CCDC158: variants seen among roughly 807,000 people sequenced by gnomAD.
CCDC158 encodes coiled-coil domain-containing protein 158.
Under a neutral mutation model 138.6 loss-of-function variants are expected in CCDC158, and 116 were observed. The observed-to-expected ratio is 0.84, with a 90% CI of 0.72 to 0.98. The LOEUF (loss-of-function observed/expected upper bound fraction) is 0.98, where lower values mean the gene tolerates loss of function less well. CCDC158 is among the 50% of genes least tolerant of loss of function. The pLI, the probability that CCDC158 is intolerant of heterozygous loss-of-function variation, is 0.00. For missense variants in CCDC158, 1,265 were observed against 1,306.1 expected, an observed-to-expected ratio of 0.97 and a Z score of 0.48; for synonymous variants, 436 against 442.4, an observed-to-expected ratio of 0.99 and a Z score of 0.18.
intron 6 of CCDC158, among the ~76,000 whole-genome samples, 155 bp downstream of exon 6, chr4:76,383,933 T>C (rs559370775): frequency 4.6e-4 from 70 of 152,334 alleles, no homozygotes; most frequent in African/African-American, 1.6e-3. Flanking sequence ...ACCAAGCTAG[T>C]TCCTATTATG....
intron 13 of CCDC158, among the ~76,000 whole-genome samples, chr4:76,357,985 A>ATG (rs899745232): frequency 3.7e-5 from 4 of 108,046 alleles, no homozygotes; most frequent in Non-Finnish European, 8.0e-5. Flanking sequence ...CAATACACAC[A>ATG]TGTGTGCACA....
At chr4:76,411,011 G>A (rs538820936) in intron 2 of CCDC158, among the ~76,000 whole-genome samples, 1 of 152,296 alleles carries the variant, frequency 6.6e-6, no homozygotes, top group South Asian at 2.1e-4. Flanking sequence ...GATAACTCAC[G>A]TGCAGGCCTT....
chr4:76,356,831 T>A (rs903973874), intron 14 of CCDC158: 3 of 152,194 alleles, frequency 2.0e-5, no homozygotes, highest in Admixed American at 6.5e-5. Context: ...ATTATATGAA[T>A]AACATGAACT....
chr4:76,407,379 A>G (rs1291059805), intron 2 of CCDC158: 1 of 152,086 alleles, frequency 6.6e-6, no homozygotes, highest in African/African-American at 2.4e-5. Context: ...AATGTTAGTC[A>G]AGATTGCTAG....
At chr4:76,325,378 C>T (rs1720425609) in intron 23 of CCDC158, among the ~76,000 whole-genome samples, 1 of 152,130 alleles carries the variant, frequency 6.6e-6, no homozygotes. Flanking sequence ...ACTTATTTAC[C>T]AGGCATTTAT....
rs1431252504 is a variant in CCDC158, at chr4:76,313,049, A to C, written c.*121T>G. ...TAGTTTATTTCAAAATAGAGTTTACAAGACAGGGTATCTTTTATTAAATTT... is the reference window on the plus strand; with the variant it reads ...TAGTTTATTTCAAAATAGAGTTTACCAGACAGGGTATCTTTTATTAAATTT... On this transcript the variant is annotated 3_prime_UTR_variant, in exon 25 of 25. Coordinates refer to ENST00000682701, the MANE Select transcript of CCDC158 (RefSeq NM_001394954.1). The C allele has an allele frequency of 3.3e-6, 2 of 597,166 alleles. No individual in the cohort carries two copies. Among genetic ancestry groups the C allele is most frequent in the Non-Finnish European group, 5.8e-6 (2 of 341,946 alleles). 37.0% of individuals were successfully genotyped at this position (597,166 alleles called of 1,614,324 possible).
intron 3 of CCDC158, chr4:76,402,025 A>G (rs1345113834): frequency 6.6e-6 from 1 of 152,248 alleles, no homozygotes; most frequent in Non-Finnish European, 1.5e-5. Flanking sequence ...CCAGTAAAAC[A>G]ACAGATCAGT....
At chr4:76,364,459 A>G (rs933086629) in intron 12 of CCDC158, among the ~76,000 whole-genome samples, 3 of 152,226 alleles carry the variant, frequency 2.0e-5, no homozygotes, top group Non-Finnish European at 4.4e-5. Flanking sequence ...TGTGAAATAT[A>G]CACCAGATTT....
At chr4:76,393,981 G>A (rs549865565) in intron 4 of CCDC158, among the ~76,000 whole-genome samples, 71 of 152,052 alleles carry the variant, frequency 4.7e-4, no homozygotes, top group Middle Eastern at 3.4e-3. Flanking sequence ...AGGCAATAAC[G>A]AATGCTGGCA....
At chr4:76,352,953 A>G (rs1723191063) in intron 16 of CCDC158, 170 bp downstream of exon 16, 2 of 529,796 alleles carry the variant, frequency 3.8e-6, no homozygotes, top group Non-Finnish European at 6.1e-6. Context: ...TTTAAAATTC[A>G]GAAACGCCTT....
chr4:76,420,646 G>A (rs894421423), intron 1 of CCDC158, among the ~76,000 whole-genome samples: 3 of 152,156 alleles, frequency 2.0e-5, no homozygotes, highest in Admixed American at 1.3e-4. Flanking sequence ...TCGCGGCAGC[G>A]CGGTAGACAC....
At chr4:76,322,002 G>A (rs1720063969) in intron 24 of CCDC158, among the ~76,000 whole-genome samples, 1 of 151,698 alleles carries the variant, frequency 6.6e-6, no homozygotes, top group South Asian at 2.1e-4. Flanking sequence ...TGAGGACTTG[G>A]GGGAAGGGTG....
chr4:76,359,133 A>G (rs1225854310), intron 13 of CCDC158, among the ~76,000 whole-genome samples: 1 of 152,030 alleles, frequency 6.6e-6, no homozygotes, highest in Non-Finnish European at 1.5e-5. Flanking sequence ...TACCATGTGA[A>G]GATGTGCTTG....
At chr4:76,412,449 C>CA (rs1404043006) in intron 1 of CCDC158, among the ~76,000 whole-genome samples, 7 of 151,984 alleles carry the variant, frequency 4.6e-5, no homozygotes, top group African/African-American at 1.5e-4. Context: ...CTTGCCTCTA[C>CA]AAAAAATTTT....
chr4:76,410,865 T>C (rs1210350936), intron 2 of CCDC158, among the ~76,000 whole-genome samples: 1 of 152,228 alleles, frequency 6.6e-6, no homozygotes, highest in Non-Finnish European at 1.5e-5. Context: ...GATGTTGTAA[T>C]CCTAGCTCTG....
Position 76,357,542 on chromosome 4 carries a change from A to G in CCDC158, c.2021-16T>C. On this transcript the variant is annotated splice_polypyrimidine_tract_variant and intron_variant, in intron 13 of 24. Transcript: ENST00000682701. ...TCATACTCCTCTATACAATGTGATA[A>G]TCAATAATAGATGGTTACTTTTTTC... 1 of 1,452,312 alleles carries G rather than the reference A, an allele frequency of 6.9e-7. No individual in the cohort carries two copies. Among genetic ancestry groups the G allele is most frequent in the Non-Finnish European group, 9.2e-7 (1 of 1,085,480 alleles). 90.0% of individuals were successfully genotyped at this position (1,452,312 alleles called of 1,614,324 possible).
At chr4:76,319,593 A>G (rs1719817058) in intron 24 of CCDC158, among the ~76,000 whole-genome samples, 2 of 148,070 alleles carry the variant, frequency 1.4e-5, no homozygotes, top group South Asian at 2.1e-4. Context: ...ATAATACACC[A>G]TGATCAAGTG....
chr4:76,355,683 C>T (rs746084438), intron 14 of CCDC158, among the ~76,000 whole-genome samples: 24 of 151,826 alleles, frequency 1.6e-4, no homozygotes, highest in Non-Finnish European at 3.1e-4. Flanking sequence ...GGGTTTTTGC[C>T]ACTGGGATTA....
intron 4 of CCDC158, among the ~76,000 whole-genome samples, chr4:76,391,820 CA>C (rs60660297): frequency 0.029 from 4,462 of 151,346 alleles, 214 homozygotes; most frequent in African/African-American, 0.1. Context: ...AAATCAGAGA[CA>C]AAAAAAGGAT....
Sources: allele counts gnomAD v4.1 joint callset (sites outside exome capture counted in the v4.1 genomes callset), GRCh38; gene constraint gnomAD v4.1.1; transcripts MANE v1.5; gene names NCBI Gene and HGNC (gene_info 2026-07-23, HGNC 2026-07-21).